Variants in SPINK13 observed in about 807,000 individuals in gnomAD.
SPINK13 encodes serine protease inhibitor Kazal-type 13.
A neutral mutation model predicts 11.0 loss-of-function variants in SPINK13; 11 were observed. That is an observed-to-expected ratio of 1.00 (90% CI 0.63 to 1.65). SPINK13 has a LOEUF of 1.65. Ranked by LOEUF, SPINK13 falls within the 40% of genes most tolerant of loss-of-function variation. The pLI is 0.00. For missense variants in SPINK13, 113 were observed against 117.7 expected (o/e 0.96, Z 0.19); for synonymous variants, 31 against 35.6 (o/e 0.87, Z 0.46).
intron 3 of SPINK13, among the ~76,000 whole-genome samples, chr5:148,276,838 T>A (rs189000534): frequency 6.6e-6 from 1 of 152,240 alleles, no homozygotes; most frequent in Non-Finnish European, 1.5e-5. Context: ...TTGATGGGAA[T>A]AGCATTGAAT....
intron 4 of SPINK13, among the ~76,000 whole-genome samples, chr5:148,285,254 T>C (rs954621953): frequency 3.3e-5 from 5 of 152,148 alleles, no homozygotes; most frequent in African/African-American, 1.2e-4. Context: ...GCTCCAAGCA[T>C]TTATGTTTGC....
chr5:148,275,154 G>A (rs1408662817), intron 3 of SPINK13, among the ~76,000 whole-genome samples: 1 of 151,984 alleles, frequency 6.6e-6, no homozygotes, highest in African/African-American at 2.4e-5. Context: ...CCCCCAACAG[G>A]CTCCAGTGTG....
At chr5:148,284,468 T>C (rs1464740799) in intron 4 of SPINK13, among the ~76,000 whole-genome samples, 1 of 152,218 alleles carries the variant, frequency 6.6e-6, no homozygotes, top group Non-Finnish European at 1.5e-5. Flanking sequence ...AGTAACATTG[T>C]AGCCAATAGG....
chr5:148,269,617 C>T (rs1408380475), intron 1 of SPINK13, among the ~76,000 whole-genome samples: 2 of 152,152 alleles, frequency 1.3e-5, no homozygotes, highest in African/African-American at 4.8e-5. Flanking sequence ...TACAGGACAG[C>T]TCTCAGTTTA....
chr5:148,279,206 C>T (rs1756477321), intron 3 of SPINK13, among the ~76,000 whole-genome samples: 1 of 149,648 alleles, frequency 6.7e-6, no homozygotes, highest in Admixed American at 6.8e-5. Context: ...CTGGATACAG[C>T]ACACTGATGG....
intron 4 of SPINK13, 144 bp downstream of exon 4, chr5:148,282,375 C>T: frequency 2.0e-6 from 2 of 980,688 alleles, no homozygotes; most frequent in South Asian, 1.8e-5. Flanking sequence ...TGGGGACAGA[C>T]TACAGAGAGA....
chr5:148,277,740 T>C (rs974441979), intron 3 of SPINK13, among the ~76,000 whole-genome samples: 58 of 152,194 alleles, frequency 3.8e-4, no homozygotes, highest in African/African-American at 1.3e-3. Flanking sequence ...AAATTTTCTT[T>C]TCTTGTGTCT....
chr5:148,281,304 C>A (rs1468466595), intron 3 of SPINK13, among the ~76,000 whole-genome samples: 1 of 152,106 alleles, frequency 6.6e-6, no homozygotes, highest in Non-Finnish European at 1.5e-5. Flanking sequence ...GTTCTGTCTC[C>A]CTGGCATTCC....
At chr5:148,274,611 G>T (rs1182446004) in intron 3 of SPINK13, among the ~76,000 whole-genome samples, 3 of 152,180 alleles carry the variant, frequency 2.0e-5, no homozygotes, top group African/African-American at 7.2e-5. Flanking sequence ...GCCAGGTGTG[G>T]TGGGGCAAGG....
chr5:148,276,686 G>T (rs1756434781), intron 3 of SPINK13, among the ~76,000 whole-genome samples: 1 of 152,140 alleles, frequency 6.6e-6, no homozygotes, highest in Non-Finnish European at 1.5e-5. Context: ...TTGCCTTGTA[G>T]TATAATTTGA....
intron 1 of SPINK13, among the ~76,000 whole-genome samples, chr5:148,269,835 G>GA (rs11435083): frequency 0.066 from 9,846 of 148,822 alleles, 1,077 homozygotes; most frequent in African/African-American, 0.23. Context: ...GTTTTTGGCA[G>GA]AAAAAAAAAA....
chr5:148,283,066 G>A (rs976423639), intron 4 of SPINK13, among the ~76,000 whole-genome samples: 1 of 152,130 alleles, frequency 6.6e-6, no homozygotes, highest in African/African-American at 2.4e-5. Context: ...CCCCGAGAGA[G>A]CAGGCACAAG....
chr5:148,276,309 T>C (rs903109843), intron 3 of SPINK13, among the ~76,000 whole-genome samples: 1 of 152,252 alleles, frequency 6.6e-6, no homozygotes, highest in African/African-American at 2.4e-5. Context: ...TCAGATCCCA[T>C]TTGTCAATTT....
At chr5:148,271,152 C>T (rs1478488958) in intron 2 of SPINK13, among the ~76,000 whole-genome samples, 1 of 152,200 alleles carries the variant, frequency 6.6e-6, no homozygotes, top group Non-Finnish European at 1.5e-5. Flanking sequence ...TCCTTAAATA[C>T]ATGGTACAAA....
chr5:148,270,212 A>G lies in SPINK13; in HGVS notation c.70+70A>G. 5.3e-6 allele frequency: 8 copies of G among 1,513,256 alleles called. No individual in the cohort carries two copies. In the Admixed American group the frequency reaches 1.1e-4, roughly 20 times the overall value. 93.7% of individuals were successfully genotyped at this position (1,513,256 alleles called of 1,614,324 possible). On this transcript the variant is annotated intron_variant, in intron 2 of 4. Transcript: ENST00000398450. ...AAAGTTATAGGAAAGAAAACGAGTA[A>G]TTTTTTACTTTTATGGGAAATATTT... is the stretch of plus-strand genomic sequence containing the variant.
intron 2 of SPINK13, among the ~76,000 whole-genome samples, chr5:148,272,398 T>A (rs1756364308): frequency 6.6e-6 from 1 of 152,172 alleles, no homozygotes; most frequent in South Asian, 2.1e-4. Context: ...TTTCAGATGA[T>A]GGTGCAATAT....
intron 4 of SPINK13, among the ~76,000 whole-genome samples, chr5:148,282,564 T>TA (rs147832308): frequency 0.03 from 4,569 of 152,286 alleles, 221 homozygotes; most frequent in African/African-American, 0.1. Flanking sequence ...GAACTTTTTT[T>TA]ATATGTCACA....
rs184773415 is a variant in SPINK13 at position 148,283,846 on chromosome 5, G to C, written c.236+1615G>C. On this transcript the variant is annotated intron_variant, in intron 4 of 4. Coordinates refer to ENST00000398450, the MANE Select transcript of SPINK13 (RefSeq NM_001040129.3). ...CACACTACTAAAAAGAGCAGTGTAA[G>C]AGGGTCTTGCTGATAATGCCCTGGC... Among the ~76,000 whole-genome samples, 36 of 152,318 alleles carry C rather than the reference G, an allele frequency of 2.4e-4. No individual in the cohort carries two copies. In the East Asian group the frequency reaches 6.0e-3, roughly 25 times the overall value.
At chr5:148,275,957 G>A (rs1756421671) in intron 3 of SPINK13, among the ~76,000 whole-genome samples, 1 of 151,946 alleles carries the variant, frequency 6.6e-6, no homozygotes, top group South Asian at 2.1e-4. Context: ...CACTGCGCCC[G>A]ACCTGTTTCC....
Sources: allele counts gnomAD v4.1 joint callset (sites outside exome capture counted in the v4.1 genomes callset), GRCh38; gene constraint gnomAD v4.1.1; transcripts MANE v1.5; gene names NCBI Gene and HGNC (gene_info 2026-07-23, HGNC 2026-07-21).